SMYD4: variants seen among roughly 807,000 people sequenced by gnomAD.
SMYD4 encodes the protein protein-lysine N-methyltransferase SMYD4.
A neutral mutation model predicts 72.8 loss-of-function variants in SMYD4; 68 were observed. The observed-to-expected ratio is 0.93, with a 90% confidence interval of 0.77 to 1.14. The LOEUF (loss-of-function observed/expected upper bound fraction) is 1.14. SMYD4 is among the 50% of genes most tolerant of loss of function. The pLI is 0.00. For synonymous variants in SMYD4, 407 were observed against 388.6 expected (o/e 1.05, Z -0.56); for missense variants, 984 against 1,003.7 (o/e 0.98, Z 0.27).
intron 3 of SMYD4, among the ~76,000 whole-genome samples, chr17:1,809,207 T>C (rs1910193542): frequency 6.6e-6 from 1 of 151,992 alleles, no homozygotes; most frequent in African/African-American, 2.4e-5. Context: ...ATTCTTTTAA[T>C]ATCCAAGGTC....
At chr17:1,794,465 C>A (rs1048501642) in intron 5 of SMYD4, among the ~76,000 whole-genome samples, 1 of 151,418 alleles carries the variant, frequency 6.6e-6, no homozygotes, top group Non-Finnish European at 1.5e-5. Context: ...TATTTGGTAC[C>A]TAAGTAGTTA....
At chr17:1,793,264 G>T (rs1360829345) in intron 5 of SMYD4, among the ~76,000 whole-genome samples, 1 of 151,660 alleles carries the variant, frequency 6.6e-6, no homozygotes, top group Non-Finnish European at 1.5e-5. Flanking sequence ...ATAGTTGCTA[G>T]AGATATTCCC....
chr17:1,782,767 C>CTTTT (rs35909616), intron 10 of SMYD4: 8 of 171,074 alleles, frequency 4.7e-5, no homozygotes, highest in South Asian at 2.1e-4. Context: ...GGAGGAAATT[C>CTTTT]TTTTTTTTTT....
intron 2 of SMYD4, among the ~76,000 whole-genome samples, chr17:1,819,791 A>C (rs1369686664): frequency 6.6e-6 from 1 of 151,738 alleles, no homozygotes; most frequent in Non-Finnish European, 1.5e-5. Context: ...GTATTTACTT[A>C]TTTTTGTTTG....
intron 2 of SMYD4, among the ~76,000 whole-genome samples, chr17:1,817,702 T>C (rs1331527962): frequency 6.6e-6 from 1 of 152,136 alleles, no homozygotes; most frequent in Admixed American, 6.6e-5. Context: ...TTTGGTGTCA[T>C]ATGCAAGAAA....
At chr17:1,799,692 T>C in intron 5 of SMYD4, among the ~76,000 whole-genome samples, 165 bp downstream of exon 5, 1 of 152,016 alleles carries the variant, frequency 6.6e-6, no homozygotes, top group African/African-American at 2.4e-5. Flanking sequence ...TAATTTAAGG[T>C]CATATAGCTT....
Position 1,800,862 on chromosome 17 carries a change from C to T in SMYD4, c.532G>A (p.Ala178Thr). The change falls in exon 5 of 11, where the codon GCC (alanine) becomes ACC (threonine). Residue 178 changes from alanine (A) to threonine (T), a missense_variant. By Grantham distance (58) the Ala-to-Thr change is moderately conservative. Transcript: ENST00000305513. ...DLERNFTATPALADVLPQTLQ... is the reference protein window; with the variant it reads ...DLERNFTATPTLADVLPQTLQ... ...GTCTGAGGGAGGACATCTGCTAGGG[C>T]TGGTGTGGCTGTGAAGTTCCTTTCA... 1 of 1,614,180 alleles carries T rather than the reference C, an allele frequency of 6.2e-7. No individual in the cohort carries two copies.
intron 2 of SMYD4, among the ~76,000 whole-genome samples, chr17:1,820,479 A>T (rs1310158468): frequency 6.6e-6 from 1 of 152,144 alleles, no homozygotes; most frequent in Admixed American, 6.6e-5. Context: ...GGCTCCAGCG[A>T]TCCTCTTGCC....
In SMYD4 at chr17:1,827,997, T is replaced by C. The variant is rs774738293; in HGVS notation, c.-3A>G. ...CATTCATCCACAGGCAGATCCATGC[T>C]GCTTTTGATCTATAAAATGAGTAAG... is the stretch of plus-strand genomic sequence containing the variant. On this transcript the variant is annotated 5_prime_UTR_variant, in exon 2 of 11. Transcript: ENST00000305513. 1.2e-6 allele frequency: 2 copies of C among 1,605,914 alleles called. No individual in the cohort carries two copies. The highest frequency in any genetic ancestry group is 4.5e-5 in the East Asian group (2 of 44,604).
chr17:1,822,107 G>A (rs940354558), intron 2 of SMYD4, among the ~76,000 whole-genome samples: 1 of 150,488 alleles, frequency 6.6e-6, no homozygotes, highest in East Asian at 2.0e-4. Flanking sequence ...AGTAGTGCAT[G>A]CCTGTAATCC....
rs1200301499 is a variant in SMYD4 at position 1,800,437 on chromosome 17, G to A, written c.957C>T (p.Ser319=). The change falls in exon 5 of 11, where the codon AGC becomes AGT. Residue 319 remains serine, a synonymous_variant. Coordinates refer to ENST00000305513, the MANE Select transcript of SMYD4 (RefSeq NM_052928.3). ...CCCAGGCCTGCTGCAAACACTCCTG[G>A]CTGCAATACTTGGCATAACTGCATC... The part of the protein sequence containing the change: ...CDGCSYAKYC[S]QECLQQAWEL... The A allele has an allele frequency of 1.4e-5, 23 of 1,614,170 alleles. No individual in the cohort carries two copies. The highest frequency in any genetic ancestry group is 1.9e-5 in the Non-Finnish European group (23 of 1,180,040).
chr17:1,796,514 G>A (rs1909420388), intron 5 of SMYD4, among the ~76,000 whole-genome samples: 1 of 151,092 alleles, frequency 6.6e-6, no homozygotes, highest in Non-Finnish European at 1.5e-5. Context: ...TCGGCTCACT[G>A]TAACCCCCAC....
rs544599331 is a variant in SMYD4, at chr17:1,789,623, A to G, written c.1538-2019T>C. On this transcript the variant is annotated intron_variant, in intron 5 of 10. Coordinates refer to ENST00000305513, the MANE Select transcript of SMYD4 (RefSeq NM_052928.3). ...TACCAAAAATATAAAAACTTAGCTG[A>G]GCGTGGTGGCGTGCACCAGTAATCC... Among the ~76,000 whole-genome samples the G allele has an allele frequency of 5.3e-5, 8 of 151,194 alleles. 1 individual carries two copies. In the South Asian group the frequency reaches 1.1e-3, roughly 20 times the overall value.
chr17:1,804,121 T>C (rs912851815), intron 4 of SMYD4, among the ~76,000 whole-genome samples: 1 of 152,096 alleles, frequency 6.6e-6, no homozygotes, highest in African/African-American at 2.4e-5. Flanking sequence ...ATGATCCGCC[T>C]GCCTCAGCCT....
intron 7 of SMYD4, among the ~76,000 whole-genome samples, chr17:1,785,674 T>G (rs1173852495): frequency 6.7e-6 from 1 of 150,224 alleles, no homozygotes; most frequent in Non-Finnish European, 1.5e-5. Flanking sequence ...GCAGGAGAAT[T>G]GCTTGAGTCT....
In SMYD4 at chr17:1,783,458, AG is replaced by A; in HGVS notation, c.2038del (p.Leu680CysfsTer33). 1 of 1,611,016 alleles carries A rather than the reference AG, an allele frequency of 6.2e-7. No individual in the cohort carries two copies. Among genetic ancestry groups the A allele is most frequent in the South Asian group, 1.1e-5 (1 of 90,704 alleles). ...DGELERAVQRLSGCQRDAESF... is the reference protein window; with the variant it reads ...DGELERAVQRXSGCQRDAESF... ...CTCGGCGTCACGCTGGCACCCCGACAGCCGCTGAACAGCTCGCTCTGTCAAT... is the reference window on the plus strand; with the variant it reads ...CTCGGCGTCACGCTGGCACCCCGACACCGCTGAACAGCTCGCTCTGTCAAT... On this transcript the variant is annotated frameshift_variant, in exon 9 of 11. Coordinates refer to ENST00000305513, the MANE Select transcript of SMYD4 (RefSeq NM_052928.3). LOFTEE classifies it high-confidence loss of function.
At chr17:1,781,579 CTG>C (rs1908366375) in intron 10 of SMYD4, 140 bp from the exon 11 acceptor site, 1 of 936,072 alleles carries the variant, frequency 1.1e-6, no homozygotes, top group Non-Finnish European at 1.5e-6. Context: ...AAGTAAGACA[CTG>C]TCACAAACAC....
intron 2 of SMYD4, among the ~76,000 whole-genome samples, chr17:1,823,939 C>G (rs919222062): frequency 6.6e-6 from 1 of 152,182 alleles, no homozygotes; most frequent in African/African-American, 2.4e-5. Flanking sequence ...CTGAATACAA[C>G]CTAGCCTGAA....
intron 3 of SMYD4, among the ~76,000 whole-genome samples, chr17:1,811,732 GC>G (rs1231035587): frequency 1.3e-5 from 2 of 152,090 alleles, no homozygotes; most frequent in African/African-American, 2.4e-5. Context: ...TTTGAGACCA[GC>G]CTGGCCAACA....
Sources: allele counts gnomAD v4.1 joint callset (sites outside exome capture counted in the v4.1 genomes callset), GRCh38; gene constraint gnomAD v4.1.1; transcripts MANE v1.5; gene names NCBI Gene and HGNC (gene_info 2026-07-23, HGNC 2026-07-21).